The following EPHA5 variants were observed in gnomAD, a reference collection of about 807,000 sequenced individuals.
The protein encoded by EPHA5 is EPH receptor A5, also known as ephrin type-A receptor 5.
In EPHA5, 60 loss-of-function variants were observed where a neutral mutation model predicts 105.0. The observed-to-expected ratio is 0.57, with a 90% CI of 0.46 to 0.71. EPHA5 has a LOEUF of 0.71. Among genes scored for constraint, EPHA5 ranks in the 30% least tolerant of loss-of-function variants. EPHA5 has a pLI of 0.00. For missense variants in EPHA5, 1,218 were observed against 1,274.7 expected (o/e 0.96, Z 0.68); for synonymous variants, 513 against 449.1 (o/e 1.14, Z -1.80).
chr4:65,454,781 C>T (rs181861446), intron 5 of EPHA5, among the ~76,000 whole-genome samples: 23 of 152,156 alleles, frequency 1.5e-4, no homozygotes, highest in African/African-American at 4.8e-4. Flanking sequence ...AGTGGAAGTG[C>T]ATTCAAAATT....
chr4:65,581,779 T>C (rs1280791766), intron 3 of EPHA5, among the ~76,000 whole-genome samples: 1 of 151,750 alleles, frequency 6.6e-6, no homozygotes, highest in Non-Finnish European at 1.5e-5. Flanking sequence ...ACCAATTTAA[T>C]GGAAGGTTTC....
At chr4:65,647,949 G>C (rs1029966720) in intron 1 of EPHA5, among the ~76,000 whole-genome samples, 1 of 152,126 alleles carries the variant, frequency 6.6e-6, no homozygotes, top group Non-Finnish European at 1.5e-5. Flanking sequence ...TCACTTAACT[G>C]AATGCCCAAC....
At chr4:65,439,338 T>A (rs1725788379) in intron 5 of EPHA5, among the ~76,000 whole-genome samples, 2 of 152,144 alleles carry the variant, frequency 1.3e-5, no homozygotes, top group African/African-American at 2.4e-5. Context: ...AGGTTAATGT[T>A]TGTTCTATTT....
chr4:65,347,278 T>A (rs1722313339), intron 14 of EPHA5, among the ~76,000 whole-genome samples: 2 of 152,174 alleles, frequency 1.3e-5, no homozygotes. Flanking sequence ...GCACTTAAAA[T>A]AGTGTATGTC....
At chr4:65,619,172 T>A (rs1391356464) in intron 2 of EPHA5, among the ~76,000 whole-genome samples, 8 of 152,002 alleles carry the variant, frequency 5.3e-5, no homozygotes, top group Non-Finnish European at 1.0e-4. Context: ...ACAAATTACA[T>A]TTACAATCAG....
chr4:65,488,885 A>ATTTTTTTTTTT (rs5858962), intron 5 of EPHA5, among the ~76,000 whole-genome samples: 1 of 117,790 alleles, frequency 8.5e-6, no homozygotes. Context: ...AGCTGCATGC[A>ATTTTTTTTTTT]TTTTTTTTTT....
chr4:65,462,758 C>A (rs73222141), intron 5 of EPHA5, among the ~76,000 whole-genome samples: 26,524 of 152,112 alleles, frequency 0.17, 2,588 homozygotes, highest in African/African-American at 0.23. Context: ...CTACAACACT[C>A]CATTAAACAA....
chr4:65,589,996 G>C (rs1320757758), intron 3 of EPHA5, among the ~76,000 whole-genome samples: 1 of 152,148 alleles, frequency 6.6e-6, no homozygotes, highest in African/African-American at 2.4e-5. Flanking sequence ...CAGAGGAAAA[G>C]CTCTTATGCA....
At chr4:65,400,231 A>T (rs778190050) in intron 8 of EPHA5, among the ~76,000 whole-genome samples, 6 of 152,202 alleles carry the variant, frequency 3.9e-5, no homozygotes, top group African/African-American at 7.2e-5. Flanking sequence ...ATCAATGCCC[A>T]ATGTCATTAG....
rs114995745 is a variant in EPHA5 at position 65,660,447 on chromosome 4, G to C, written c.181+9115C>G. 7.6e-3 allele frequency among the ~76,000 whole-genome samples: 1,150 copies of C among 152,178 alleles called. 4 individuals carry two copies. Among genetic ancestry groups the C allele is most frequent in the Non-Finnish European group, 0.013 (881 of 67,988 alleles). On this transcript the variant is annotated intron_variant, in intron 1 of 16. Coordinates refer to ENST00000613740, the MANE Select transcript of EPHA5 (RefSeq NM_001281766.3). The stretch of plus-strand genomic sequence containing the variant: ...ATTCCTTTTAATCGTACAGTGTCAG[G>C]AAGATGACGATCTGTGAGTGTGAAA...
At chr4:65,503,327 G>T (rs10009576) in intron 3 of EPHA5, among the ~76,000 whole-genome samples, 141,037 of 151,760 alleles carry the variant, frequency 0.93, 65,860 homozygotes, top group Middle Eastern at 0.99. Context: ...GTTGTTATTA[G>T]GTTAAAACAT....
chr4:65,597,001 A>G (rs1048606018), intron 3 of EPHA5, among the ~76,000 whole-genome samples: 3 of 152,178 alleles, frequency 2.0e-5, no homozygotes, highest in Non-Finnish European at 2.9e-5. Flanking sequence ...TCCCTGCTGT[A>G]ACTGTACTGT....
In EPHA5 at chr4:65,506,477, G is replaced by C. The variant is rs1342546026; in HGVS notation, c.911-10934C>G. Among the ~76,000 whole-genome samples, 10 of 145,262 alleles carry C rather than the reference G, an allele frequency of 6.9e-5. 1 individual carries two copies. Among genetic ancestry groups the C allele is most frequent in the Non-Finnish European group, 1.2e-4 (8 of 65,790 alleles). ...TTACAGTCCCACCAACAGTGTAAAAGTGTTCCTATTTCTCCGCATCCTCTC... is the reference window on the plus strand; with the variant it reads ...TTACAGTCCCACCAACAGTGTAAAACTGTTCCTATTTCTCCGCATCCTCTC... On this transcript the variant is annotated intron_variant, in intron 3 of 16. Transcript: ENST00000613740.
chr4:65,574,454 A>T (rs1740591643), intron 3 of EPHA5: 3 of 355,268 alleles, frequency 8.4e-6, no homozygotes, highest in Non-Finnish European at 9.4e-6. Context: ...CTCTACATTA[A>T]GAAAATAATT....
At chr4:65,489,346 A>G (rs1731191582) in intron 5 of EPHA5, among the ~76,000 whole-genome samples, 1 of 152,140 alleles carries the variant, frequency 6.6e-6, no homozygotes, top group East Asian at 1.9e-4. Flanking sequence ...ACTTACACTA[A>G]TATTGTATAA....
intron 4 of EPHA5, among the ~76,000 whole-genome samples, chr4:65,493,790 T>A: frequency 6.6e-6 from 1 of 150,476 alleles, no homozygotes; most frequent in African/African-American, 2.5e-5. Flanking sequence ...CCATTTCCAA[T>A]CCTAACAAAT....
intron 5 of EPHA5, 21 bp from the exon 6 acceptor site, chr4:65,420,586 G>T (rs1249455941): frequency 1.2e-6 from 2 of 1,608,078 alleles, no homozygotes; most frequent in East Asian, 4.5e-5. Flanking sequence ...GTTTAAATAA[G>T]GAGCAGTATG....
At chr4:65,507,586 C>A (rs548184757) in intron 3 of EPHA5, among the ~76,000 whole-genome samples, 5 of 152,034 alleles carry the variant, frequency 3.3e-5, no homozygotes, top group Non-Finnish European at 5.9e-5. Flanking sequence ...CCTTCACATC[C>A]CTTGTAAGTT....
intron 14 of EPHA5, among the ~76,000 whole-genome samples, chr4:65,336,555 T>C (rs1046012092): frequency 6.6e-6 from 1 of 152,104 alleles, no homozygotes. Context: ...TTTAAAGTAA[T>C]AGAACTGTAA....
Sources: allele counts gnomAD v4.1 joint callset (sites outside exome capture counted in the v4.1 genomes callset), GRCh38; gene constraint gnomAD v4.1.1; transcripts MANE v1.5; gene names NCBI Gene and HGNC (gene_info 2026-07-23, HGNC 2026-07-21).